HIP1: variants seen among roughly 807,000 people sequenced by gnomAD.
HIP1 encodes the protein huntingtin interacting protein 1.
A neutral mutation model predicts 147.6 loss-of-function variants in HIP1; 65 were observed. That is an observed-to-expected ratio of 0.44 (90% CI 0.36 to 0.54). The LOEUF (loss-of-function observed/expected upper bound fraction) is 0.54. Among genes scored for constraint, HIP1 ranks in the 20% least tolerant of loss-of-function variants. The probability of loss-of-function intolerance (pLI) is 0.00; values close to 1 mark genes in which losing one functional copy is unlikely to be tolerated. For missense variants in HIP1, 1,061 were observed against 1,299.6 expected (o/e 0.82, Z 2.82); for synonymous variants, 479 against 504.0 (o/e 0.95, Z 0.67).
chr7:75,624,991 T>A lies in HIP1; in HGVS notation c.121-25744A>T, dbSNP rs587679790. The A allele has an allele frequency of 1.6e-3, 245 of 150,750 alleles. 3 individuals are homozygous for A. The highest frequency in any genetic ancestry group is 5.8e-3 in the African/African-American group (236 of 41,010). The allele number at this position is 150,750 out of a possible 1,614,324, so 9.3% of individuals were successfully genotyped here. A position where few individuals can be genotyped will look rare whatever the true frequency, so the allele number is the denominator to read the frequency against. ...CTCTGTCGCCCAGGCTGGAGTGCAGTGGTGTGATCTTGGCTCACTGCAGTG... is the reference window on the plus strand; with the variant it reads ...CTCTGTCGCCCAGGCTGGAGTGCAGAGGTGTGATCTTGGCTCACTGCAGTG... On this transcript the variant is annotated intron_variant, in intron 1 of 30. Coordinates refer to ENST00000336926, the MANE Select transcript of HIP1 (RefSeq NM_005338.7).
intron 1 of HIP1, among the ~76,000 whole-genome samples, chr7:75,633,213 A>G (rs1554509191): frequency 6.6e-6 from 1 of 152,178 alleles, no homozygotes; most frequent in Admixed American, 6.5e-5. Context: ...CATGCATAAG[A>G]TACAACCAAA....
At chr7:75,629,069 G>A (rs781848159) in intron 1 of HIP1, among the ~76,000 whole-genome samples, 4 of 152,104 alleles carry the variant, frequency 2.6e-5, no homozygotes, top group Non-Finnish European at 5.9e-5. Flanking sequence ...GTTATTTTAG[G>A]TCCCAGAATA....
At chr7:75,613,560 G>A (rs1196670353) in intron 1 of HIP1, among the ~76,000 whole-genome samples, 4 of 152,084 alleles carry the variant, frequency 2.6e-5, no homozygotes, top group Non-Finnish European at 5.9e-5. Flanking sequence ...GGTCCCTAGA[G>A]GGCAAGAAAT....
At chr7:75,596,938 A>C (rs909246172) in intron 2 of HIP1, among the ~76,000 whole-genome samples, 12 of 152,066 alleles carry the variant, frequency 7.9e-5, no homozygotes, top group African/African-American at 2.9e-4. Flanking sequence ...TCTCTCCCTT[A>C]CTCATATCTT....
At chr7:75,586,286 T>A (rs1156611699) in intron 5 of HIP1, among the ~76,000 whole-genome samples, 1 of 151,552 alleles carries the variant, frequency 6.6e-6, no homozygotes, top group African/African-American at 2.4e-5. Context: ...AACCTCTGCC[T>A]CCTGGTCTCA....
chr7:75,678,486 G>C (rs1391324803), intron 1 of HIP1, among the ~76,000 whole-genome samples: 1 of 151,924 alleles, frequency 6.6e-6, no homozygotes, highest in Non-Finnish European at 1.5e-5. Context: ...TGGGATTACA[G>C]GCGCCCGCCA....
At chr7:75,591,913 C>G in intron 4 of HIP1, 143 bp downstream of exon 4, 1 of 758,576 alleles carries the variant, frequency 1.3e-6, no homozygotes, top group Non-Finnish European at 2.4e-6. Context: ...TTGGGGGCAT[C>G]CTTAGTCCGT....
At position 75,738,882 on chromosome 7, in the gene HIP1, G is replaced by GT; in HGVS notation, c.38dup (p.Asn13LysfsTer34). The GT allele has an allele frequency of 6.4e-7, 1 of 1,570,038 alleles. No homozygotes were observed. Among genetic ancestry groups the GT allele is most frequent in the South Asian group, 1.2e-5 (1 of 85,738 alleles). ...GCCGGCTCAGCACCTTGGGCAGTGG[G>GT]TTGGGCACCTGCTTCATGGAGCTGG... On this transcript the variant is annotated frameshift_variant, in exon 1 of 31. Transcript: ENST00000336926. LOFTEE classifies it high-confidence loss of function.
chr7:75,595,082 A>G (rs1554501594), intron 2 of HIP1, among the ~76,000 whole-genome samples: 2 of 152,184 alleles, frequency 1.3e-5, no homozygotes, highest in Non-Finnish European at 2.9e-5. Context: ...CTGAACTGGA[A>G]GATACCATAA....
chr7:75,704,652 G>A (rs112355221), intron 1 of HIP1, among the ~76,000 whole-genome samples: 1,588 of 152,156 alleles, frequency 0.01, 37 homozygotes, highest in African/African-American at 0.036. Flanking sequence ...GCCTGATCTC[G>A]ACTCACTGCA....
chr7:75,610,845 A>AAT (rs201378587), intron 1 of HIP1, among the ~76,000 whole-genome samples: 49 of 147,570 alleles, frequency 3.3e-4, no homozygotes, highest in Middle Eastern at 3.6e-3. Flanking sequence ...ACTATTAAAA[A>AAT]ATATATATAT....
rs1794220491 is a variant in HIP1, at chr7:75,539,488, TA to T, written c.2953-58del. On this transcript the variant is annotated intron_variant, in intron 29 of 30. Transcript: ENST00000336926. ...AATCATCTCTCAGAGATTTAATTTT[TA>T]TTTATTTTTTTATAGAGATGGGGTC... 17 of 1,390,082 alleles carry T rather than the reference TA, an allele frequency of 1.2e-5. No individual in the cohort carries two copies. The African/African-American group carries it at 2.3e-4, about 19-fold the overall frequency. The allele number at this position is 1,390,082 out of a possible 1,614,324, so 86.1% of individuals were successfully genotyped here.
intron 23 of HIP1, 138 bp downstream of exon 23, chr7:75,548,753 T>G: frequency 5.6e-6 from 4 of 712,782 alleles, no homozygotes; most frequent in South Asian, 4.8e-5. Context: ...CATGAGCCAC[T>G]GTGCCTGGCA....
chr7:75,674,079 T>C (rs782648903), intron 1 of HIP1, among the ~76,000 whole-genome samples: 1 of 152,192 alleles, frequency 6.6e-6, no homozygotes, highest in Non-Finnish European at 1.5e-5. Context: ...GTTGTTGTAA[T>C]AGAAAACTTT....
At chr7:75,637,883 G>A (rs545543699) in intron 1 of HIP1, among the ~76,000 whole-genome samples, 2 of 151,176 alleles carry the variant, frequency 1.3e-5, no homozygotes, top group East Asian at 2.0e-4. Flanking sequence ...TGGTTGCCTC[G>A]AAAGGGCACC....
chr7:75,598,998 C>G (rs587628099), intron 2 of HIP1, among the ~76,000 whole-genome samples, 186 bp downstream of exon 2: 1 of 152,270 alleles, frequency 6.6e-6, no homozygotes, highest in Non-Finnish European at 1.5e-5. Context: ...TGTCTGCCAC[C>G]CTGAAGGTCT....
Position 75,553,531 on chromosome 7 carries a change from CAGGG to C in HIP1, c.2213_2216del (p.Ser738TrpfsTer15). ...CATTCTCAAGGCTTCCCTCTTCCTC[CAGGG>C]AGGCCAGGTAGGCGAGGGTTTCCCT... is the stretch of plus-strand genomic sequence containing the variant. On this transcript the variant is annotated frameshift_variant, in exon 22 of 31. Transcript: ENST00000336926. LOFTEE classifies it high-confidence loss of function. 1 of 1,614,134 alleles carries C rather than the reference CAGGG, an allele frequency of 6.2e-7. No individual in the cohort carries two copies. The highest frequency in any genetic ancestry group is 8.5e-7 in the Non-Finnish European group (1 of 1,180,000).
chr7:75,640,406 C>CA, intron 1 of HIP1, among the ~76,000 whole-genome samples: 1 of 152,332 alleles, frequency 6.6e-6, no homozygotes, highest in African/African-American at 2.4e-5. Flanking sequence ...TGCCACGGGG[C>CA]AACCATGAAG....
Position 75,738,503 on chromosome 7 carries a change from C to T in HIP1, c.120+298G>A, listed in dbSNP as rs572866447. ...CATTCCGCCCCTTTTCAGTTCCTTC[C>T]CCTCTCACCTCATCTTGGGACTCCT... On this transcript the variant is annotated intron_variant, in intron 1 of 30. Transcript: ENST00000336926. Among the ~76,000 whole-genome samples the T allele has an allele frequency of 1.1e-4, 17 of 152,214 alleles. No homozygotes were observed. The South Asian group carries it at 3.5e-3, about 32-fold the overall frequency.
Sources: gnomAD v4.1 joint callset for allele counts (sites outside exome capture counted in the v4.1 genomes callset) on GRCh38, gnomAD v4.1.1 for gene constraint, MANE v1.5 for transcripts, NCBI Gene and HGNC (gene_info 2026-07-23, HGNC 2026-07-21) for gene names.